CPED1: variants seen among roughly 807,000 people sequenced by gnomAD.
CPED1 encodes cadherin-like and PC-esterase domain-containing protein 1.
In CPED1, 114 loss-of-function variants were observed where a neutral mutation model predicts 128.2. The ratio of observed to expected loss-of-function variants is 0.89; its 90% confidence interval spans 0.76 to 1.04. The LOEUF (loss-of-function observed/expected upper bound fraction) is 1.04, where lower values mean the gene tolerates loss of function less well. Ranked by LOEUF, CPED1 falls within the 50% of genes least tolerant of loss-of-function variation. The probability of loss-of-function intolerance (pLI) is 0.00; values close to 1 mark genes in which losing one functional copy is unlikely to be tolerated. For missense variants in CPED1, 1,211 were observed against 1,207.1 expected (o/e 1.00, Z -0.05); for synonymous variants, 462 against 426.7 (o/e 1.08, Z -1.02).
chr7:121,237,542 C>G (rs562386498), intron 17 of CPED1, among the ~76,000 whole-genome samples: 51 of 152,204 alleles, frequency 3.4e-4, no homozygotes, highest in Admixed American at 5.2e-4. Flanking sequence ...TCTCAACATT[C>G]CCTATTTCTC....
intron 4 of CPED1, among the ~76,000 whole-genome samples, chr7:121,055,920 T>C (rs1793488460): frequency 6.6e-6 from 1 of 152,032 alleles, no homozygotes. Context: ...GTGTTTTATC[T>C]AATAATTCTA....
chr7:121,238,483 T>G (rs1054512294), intron 17 of CPED1, among the ~76,000 whole-genome samples: 8 of 152,068 alleles, frequency 5.3e-5, no homozygotes, highest in African/African-American at 1.7e-4. Flanking sequence ...GGGAAGCCTT[T>G]TTTCACCACC....
At chr7:121,266,111 C>T (rs1792116966) in intron 18 of CPED1, 116 bp from the exon 19 acceptor site, 2 of 724,578 alleles carry the variant, frequency 2.8e-6, no homozygotes, top group African/African-American at 3.6e-5. Flanking sequence ...ATTTGAAGGG[C>T]TGTCCTTCAA....
intron 22 of CPED1, among the ~76,000 whole-genome samples, chr7:121,277,150 T>C (rs1792346266): frequency 1.3e-5 from 2 of 152,068 alleles, no homozygotes; most frequent in Non-Finnish European, 2.9e-5. Context: ...TAGATCTTAT[T>C]TGTGGCATGC....
intron 18 of CPED1, among the ~76,000 whole-genome samples, chr7:121,263,347 T>C (rs1792057510): frequency 6.6e-6 from 1 of 152,094 alleles, no homozygotes; most frequent in South Asian, 2.1e-4. Flanking sequence ...TTTGCTGCCA[T>C]TTTCTCTAGA....
In CPED1 at chr7:121,142,140, A is replaced by G; in HGVS notation, c.2054A>G (p.Gln685Arg). Residue 685 changes from glutamine (Q) to arginine (R), a missense_variant and splice_region_variant, in exon 16 of 23, where the codon CAG (glutamine) becomes CGG (arginine). By Grantham distance (43) the Gln-to-Arg change is conservative. Transcript: ENST00000310396. ...GCCTTCACAGCATGTGGTTTTGTGCAGGTAAGTGAAGTTTACATTTGCACT... is the reference window on the plus strand; with the variant it reads ...GCCTTCACAGCATGTGGTTTTGTGCGGGTAAGTGAAGTTTACATTTGCACT... ...FEAFTACGFV[Q>R]DCGLLIHPEE... 6.3e-7 allele frequency: 1 copy of G among 1,593,300 alleles called. No individual in the cohort carries two copies. The highest frequency in any genetic ancestry group is 2.2e-5 in the East Asian group (1 of 44,566).
chr7:121,219,846 C>A (rs1797839431), intron 16 of CPED1, among the ~76,000 whole-genome samples: 1 of 152,020 alleles, frequency 6.6e-6, no homozygotes, highest in African/African-American at 2.4e-5. Context: ...TAATAACACC[C>A]AGCATTGAAG....
At chr7:121,212,272 A>G (rs903526684) in intron 16 of CPED1, among the ~76,000 whole-genome samples, 1 of 152,052 alleles carries the variant, frequency 6.6e-6, no homozygotes, top group East Asian at 1.9e-4. Flanking sequence ...TTTTATGGCT[A>G]AGGACTGAAT....
chr7:121,247,490 C>G (rs12666947), intron 18 of CPED1, among the ~76,000 whole-genome samples: 2 of 151,926 alleles, frequency 1.3e-5, no homozygotes, highest in Admixed American at 6.6e-5. Context: ...GGAGAGAAAA[C>G]GCCAAAAGCA....
chr7:121,105,833 C>T (rs949664241), intron 7 of CPED1, among the ~76,000 whole-genome samples: 3 of 152,006 alleles, frequency 2.0e-5, no homozygotes, highest in African/African-American at 7.2e-5. Flanking sequence ...TCCTTCATTC[C>T]CAACTTGGTT....
At position 121,080,365 on chromosome 7, in the gene CPED1, A is replaced by G. The variant is rs79336817; in HGVS notation, c.616+16052A>G. ...TGATTGTGATATGATATTTGCCCCA[A>G]TAAATTCTTCCTGAACCATTATGTT... On this transcript the variant is annotated intron_variant, in intron 5 of 22. Transcript: ENST00000310396. Among the ~76,000 whole-genome samples the G allele has an allele frequency of 1.4e-3, 213 of 152,300 alleles. 3 individuals carry two copies. The East Asian group carries it at 0.039, about 28-fold the overall frequency.
intron 4 of CPED1, among the ~76,000 whole-genome samples, chr7:121,055,612 A>G (rs1052981991): frequency 5.3e-5 from 8 of 150,504 alleles, no homozygotes; most frequent in Admixed American, 2.7e-4. Context: ...ATATAATTAT[A>G]CATATAAAAT....
chr7:121,254,926 C>A (rs1470550006), intron 18 of CPED1, among the ~76,000 whole-genome samples: 2 of 149,260 alleles, frequency 1.3e-5, no homozygotes, highest in African/African-American at 2.5e-5. Flanking sequence ...AAAAACATAC[C>A]AATCAAAACA....
At chr7:121,011,708 GA>G (rs968610546) in intron 2 of CPED1, among the ~76,000 whole-genome samples, 4 of 151,902 alleles carry the variant, frequency 2.6e-5, no homozygotes, top group African/African-American at 7.3e-5. Context: ...GGAGGCCCAG[GA>G]AAAAAATCAA....
intron 3 of CPED1, 89 bp downstream of exon 3, chr7:121,015,937 A>T: frequency 2.0e-6 from 2 of 986,238 alleles, no homozygotes; most frequent in African/African-American, 1.7e-5. Flanking sequence ...CTCTAAAAAA[A>T]TTTATAAAAA....
intron 5 of CPED1, among the ~76,000 whole-genome samples, chr7:121,081,686 G>C (rs1035247301): frequency 1.4e-4 from 21 of 152,140 alleles, no homozygotes; most frequent in African/African-American, 5.1e-4. Flanking sequence ...TAGAAAAATA[G>C]GCAAGTAAGT....
At chr7:121,285,516 T>G (rs1408166675) in intron 22 of CPED1, among the ~76,000 whole-genome samples, 1 of 152,208 alleles carries the variant, frequency 6.6e-6, no homozygotes, top group African/African-American at 2.4e-5. Flanking sequence ...TCTTGAACAC[T>G]TGCTGGTTAG....
intron 16 of CPED1, among the ~76,000 whole-genome samples, chr7:121,212,389 G>GGAAA (rs1387594770): frequency 2.0e-5 from 3 of 152,002 alleles, no homozygotes; most frequent in Admixed American, 2.0e-4. Flanking sequence ...TGGAGGTATA[G>GGAAA]GAAAGGATCA....
At chr7:121,189,798 A>ATATATATATATAT (rs869279165) in intron 16 of CPED1, among the ~76,000 whole-genome samples, 43 of 50,426 alleles carry the variant, frequency 8.5e-4, no homozygotes, top group South Asian at 2.8e-3. Flanking sequence ...ATATATATAT[A>ATATATATATATAT]AAATTTGTAT....
Sources: allele counts gnomAD v4.1 joint callset (sites outside exome capture counted in the v4.1 genomes callset), GRCh38; gene constraint gnomAD v4.1.1; transcripts MANE v1.5; gene names NCBI Gene and HGNC (gene_info 2026-07-23, HGNC 2026-07-21).